The following COG5 variants were observed in gnomAD, a reference collection of about 807,000 sequenced individuals.
COG5 encodes conserved oligomeric Golgi complex subunit 5.
In COG5, 86 loss-of-function variants were observed where a neutral mutation model predicts 110.4. The observed-to-expected ratio is 0.78, with a 90% CI of 0.65 to 0.93. The LOEUF is 0.93. Among genes scored for constraint, COG5 ranks in the 40% least tolerant of loss-of-function variants. The probability of loss-of-function intolerance (pLI) is 0.00; values close to 1 mark genes in which losing one functional copy is unlikely to be tolerated. For missense variants in COG5, 1,077 were observed against 987.0 expected, an observed-to-expected ratio of 1.09 and a Z score of -1.22; for synonymous variants, 360 against 334.6, an observed-to-expected ratio of 1.08 and a Z score of -0.83.
chr7:107,283,869 T>C (rs960237751), intron 12 of COG5, 137 bp from the exon 13 acceptor site: 5 of 667,804 alleles, frequency 7.5e-6, no homozygotes, highest in Non-Finnish European at 1.3e-5. Flanking sequence ...GAAAATAATT[T>C]GTTTCACAAC....
chr7:107,320,945 C>T (rs1649161149), intron 11 of COG5, among the ~76,000 whole-genome samples: 1 of 152,154 alleles, frequency 6.6e-6, no homozygotes, highest in South Asian at 2.1e-4. Flanking sequence ...TTCTTCTACA[C>T]CCCCACCTCC....
intron 14 of COG5, among the ~76,000 whole-genome samples, chr7:107,279,672 G>A (rs973080226): frequency 1.3e-5 from 2 of 152,022 alleles, no homozygotes; most frequent in African/African-American, 4.8e-5. Context: ...TAAGGCATAT[G>A]ATGTTTTTTA....
chr7:107,272,733 T>C (rs1051516318), intron 14 of COG5, among the ~76,000 whole-genome samples: 5 of 152,126 alleles, frequency 3.3e-5, no homozygotes, highest in African/African-American at 1.2e-4. Context: ...ATCTAAGAGA[T>C]AGAGAAAGAG....
chr7:107,517,304 GA>G (rs1045625186), intron 6 of COG5, among the ~76,000 whole-genome samples: 5 of 149,214 alleles, frequency 3.4e-5, no homozygotes, highest in South Asian at 2.1e-4. Context: ...AAAAAAGAAT[GA>G]AAAAAAAATG....
At chr7:107,562,565 G>A (rs1438020813) in intron 1 of COG5, among the ~76,000 whole-genome samples, 1 of 152,008 alleles carries the variant, frequency 6.6e-6, no homozygotes, top group Admixed American at 6.6e-5. Context: ...ACTACTTGAG[G>A]GCAAAAATTG....
intron 11 of COG5, among the ~76,000 whole-genome samples, chr7:107,322,395 A>G (rs1238549634): frequency 1.3e-5 from 2 of 152,182 alleles, no homozygotes; most frequent in African/African-American, 4.8e-5. Context: ...TGGACTTGCC[A>G]TTTCTCCAGA....
At position 107,202,312 on chromosome 7, in the gene COG5, A is replaced by C. The variant is rs781682808; in HGVS notation, c.*1204T>G. ...ACTTTAATTTTCCTCCAACTGTCTAAAATTAGAGCAAATACATTGGCAATA... is the reference window on the plus strand; with the variant it reads ...ACTTTAATTTTCCTCCAACTGTCTACAATTAGAGCAAATACATTGGCAATA... On this transcript the variant is annotated 3_prime_UTR_variant, in exon 22 of 22. Coordinates refer to ENST00000297135, the MANE Select transcript of COG5 (RefSeq NM_006348.5). The C allele has an allele frequency of 6.6e-6, 1 of 152,582 alleles. No homozygotes were observed. Among genetic ancestry groups the C allele is most frequent in the Admixed American group, 6.5e-5 (1 of 15,280 alleles). 9.5% of individuals were successfully genotyped at this position (152,582 alleles called of 1,614,324 possible). A position where few individuals can be genotyped will look rare whatever the true frequency, so the allele number is the denominator to read the frequency against.
rs1246808587 is a variant in COG5, at chr7:107,202,450, T to A, written c.*1066A>T. 6.6e-6 allele frequency: 1 copy of A among 152,640 alleles called. No homozygotes were observed. The highest frequency in any genetic ancestry group is 1.5e-5 in the Non-Finnish European group (1 of 68,040). 9.5% of individuals were successfully genotyped at this position (152,640 alleles called of 1,614,324 possible). ...GATTTCAGTTCATCACACTTCTTCA[T>A]GATGTTGCCCCTAAATTTTGCACAC... On this transcript the variant is annotated 3_prime_UTR_variant, in exon 22 of 22. Coordinates refer to ENST00000297135, the MANE Select transcript of COG5 (RefSeq NM_006348.5).
At chr7:107,265,541 A>C (rs984121074) in intron 14 of COG5, among the ~76,000 whole-genome samples, 1 of 152,180 alleles carries the variant, frequency 6.6e-6, no homozygotes, top group Non-Finnish European at 1.5e-5. Context: ...TCCAAAGATT[A>C]CAGGTGTGAG....
At chr7:107,404,225 C>T (rs1018065453) in intron 7 of COG5, among the ~76,000 whole-genome samples, 2 of 152,102 alleles carry the variant, frequency 1.3e-5, no homozygotes, top group African/African-American at 4.8e-5. Context: ...AAGAGAGGAT[C>T]ATCAACACTT....
At chr7:107,502,939 T>A (rs370283034) in intron 6 of COG5, among the ~76,000 whole-genome samples, 1 of 56,256 alleles carries the variant, frequency 1.8e-5, no homozygotes, top group Non-Finnish European at 5.2e-5. Flanking sequence ...TTTACAAGTC[T>A]TATCTTCTCC....
At chr7:107,248,691 C>G (rs1238013017) in intron 16 of COG5, among the ~76,000 whole-genome samples, 192 bp from the exon 17 acceptor site, 1 of 152,092 alleles carries the variant, frequency 6.6e-6, no homozygotes, top group Non-Finnish European at 1.5e-5. Context: ...ATATGTGGAA[C>G]ATGGCACTAA....
intron 7 of COG5, among the ~76,000 whole-genome samples, chr7:107,373,041 T>C (rs994672115): frequency 1.3e-5 from 2 of 152,166 alleles, no homozygotes; most frequent in South Asian, 2.1e-4. Context: ...GTCTGTTGTA[T>C]AATATTCGAG....
chr7:107,514,153 G>A (rs1281183686), intron 6 of COG5, among the ~76,000 whole-genome samples: 1 of 151,850 alleles, frequency 6.6e-6, no homozygotes, highest in Non-Finnish European at 1.5e-5. Context: ...TAGACCATAA[G>A]CGATTAAAAT....
intron 12 of COG5, among the ~76,000 whole-genome samples, chr7:107,297,167 G>A (rs1271832741): frequency 2.6e-5 from 4 of 152,062 alleles, no homozygotes; most frequent in African/African-American, 9.7e-5. Context: ...TACATCCAAG[G>A]ATTAAACCAA....
intron 10 of COG5, among the ~76,000 whole-genome samples, chr7:107,348,314 T>A (rs1383970990): frequency 6.6e-6 from 1 of 151,924 alleles, no homozygotes; most frequent in East Asian, 1.9e-4. Flanking sequence ...GTTACAGAGG[T>A]CATACTAGTT....
intron 6 of COG5, among the ~76,000 whole-genome samples, chr7:107,515,286 A>G (rs964551084): frequency 2.6e-5 from 4 of 152,302 alleles, no homozygotes; most frequent in South Asian, 2.1e-4. Flanking sequence ...GGATATAGAT[A>G]TATTATTGAT....
chr7:107,298,147 ATCTGGCTTTTTTGG>A lies in COG5; in HGVS notation c.1294_1307del (p.Pro432LeufsTer2). ...GTCAAATTAAACAAACATACTCATAATCTGGCTTTTTTGGTATGAATATATCTTGTGCATCATCT... is the reference window on the plus strand; with the variant it reads ...GTCAAATTAAACAAACATACTCATAATATGAATATATCTTGTGCATCATCT... On this transcript the variant is annotated frameshift_variant, in exon 12 of 22. Transcript: ENST00000297135. LOFTEE classifies it high-confidence loss of function. 1 of 1,560,734 alleles carries A rather than the reference ATCTGGCTTTTTTGG, an allele frequency of 6.4e-7. No homozygotes were observed. The highest frequency in any genetic ancestry group is 8.7e-7 in the Non-Finnish European group (1 of 1,149,418).
At chr7:107,393,383 G>A (rs928657681) in intron 7 of COG5, among the ~76,000 whole-genome samples, 1 of 152,140 alleles carries the variant, frequency 6.6e-6, no homozygotes, top group Non-Finnish European at 1.5e-5. Context: ...GTAGAAAACA[G>A]TATACTCCAA....
Sources: gnomAD v4.1 joint callset for allele counts (sites outside exome capture counted in the v4.1 genomes callset) on GRCh38, gnomAD v4.1.1 for gene constraint, MANE v1.5 for transcripts, NCBI Gene and HGNC (gene_info 2026-07-23, HGNC 2026-07-21) for gene names.